Variants in SDC2 observed in about 807,000 individuals in gnomAD.
SDC2 encodes syndecan 2, also known as syndecan-2.
Under a neutral mutation model 22.2 loss-of-function variants are expected in SDC2, and 13 were observed. The observed-to-expected ratio is 0.59, with a 90% CI of 0.38 to 0.93. SDC2 has a LOEUF of 0.93. Among genes scored for constraint, SDC2 ranks in the 40% least tolerant of loss-of-function variants. SDC2 has a pLI of 0.00. For synonymous variants in SDC2, 94 were observed against 92.8 expected, an observed-to-expected ratio of 1.01 and a Z score of -0.07; for missense variants, 235 against 246.8, an observed-to-expected ratio of 0.95 and a Z score of 0.32.
intron 1 of SDC2, among the ~76,000 whole-genome samples, chr8:96,521,176 G>C (rs1251702845): frequency 6.6e-6 from 1 of 152,138 alleles, no homozygotes; most frequent in Non-Finnish European, 1.5e-5. Flanking sequence ...ATAATATGTT[G>C]TGTATTTTTG....
chr8:96,567,101 G>T (rs1563664339), intron 1 of SDC2, among the ~76,000 whole-genome samples: 1 of 152,196 alleles, frequency 6.6e-6, no homozygotes, highest in Non-Finnish European at 1.5e-5. Context: ...TGATCCACCT[G>T]CCTCGGCTTC....
chr8:96,598,406 G>A lies in SDC2; in HGVS notation c.173-3989G>A, dbSNP rs555691244. Among the ~76,000 whole-genome samples, 15 of 152,154 alleles carry A rather than the reference G, an allele frequency of 9.9e-5. No homozygotes were observed. The South Asian group carries it at 1.0e-3, about 11-fold the overall frequency. On this transcript the variant is annotated intron_variant, in intron 2 of 4. Coordinates refer to ENST00000302190, the MANE Select transcript of SDC2 (RefSeq NM_002998.4). Reference sequence around the variant, plus strand: ...GGAGGCTGAGGTAGGTGGATCACTCGAGGTCAGGAGTTCGAGAACAGCCTG... The same window carrying A: ...GGAGGCTGAGGTAGGTGGATCACTCAAGGTCAGGAGTTCGAGAACAGCCTG...
chr8:96,498,540 A>G (rs1444060966), intron 1 of SDC2, among the ~76,000 whole-genome samples: 1 of 151,682 alleles, frequency 6.6e-6, no homozygotes, highest in Admixed American at 6.6e-5. Context: ...GCACTCTGCA[A>G]CCACCACCTC....
At chr8:96,536,262 A>G (rs912200982) in intron 1 of SDC2, among the ~76,000 whole-genome samples, 2 of 152,164 alleles carry the variant, frequency 1.3e-5, no homozygotes, top group East Asian at 1.9e-4. Flanking sequence ...GTACTTCCAC[A>G]TAGAGGCTGC....
intron 1 of SDC2, among the ~76,000 whole-genome samples, chr8:96,494,727 C>T (rs1028797081): frequency 2.0e-5 from 3 of 152,158 alleles, no homozygotes; most frequent in Admixed American, 6.5e-5. Flanking sequence ...GCGCGCTCCT[C>T]GAGACCAGGG....
intron 3 of SDC2, 93 bp from the exon 4 acceptor site, chr8:96,608,242 G>GA (rs370033095): frequency 3.0e-4 from 366 of 1,232,502 alleles, no homozygotes; most frequent in South Asian, 4.4e-4. Context: ...TTCTTTGGGG[G>GA]AAAAAAAAAT....
At chr8:96,586,872 T>C (rs1814695335) in intron 1 of SDC2, among the ~76,000 whole-genome samples, 1 of 152,216 alleles carries the variant, frequency 6.6e-6, no homozygotes, top group South Asian at 2.1e-4. Flanking sequence ...ATATAATGAA[T>C]TAAGAACTAT....
intron 2 of SDC2, among the ~76,000 whole-genome samples, chr8:96,596,610 T>C (rs1159394714): frequency 2.0e-5 from 3 of 152,212 alleles, no homozygotes; most frequent in Non-Finnish European, 4.4e-5. Context: ...ATCATTGTGA[T>C]ACCCGGTGAG....
intron 1 of SDC2, among the ~76,000 whole-genome samples, chr8:96,545,096 T>C (rs1207077504): frequency 1.3e-5 from 2 of 152,200 alleles, no homozygotes; most frequent in African/African-American, 4.8e-5. Flanking sequence ...CTGACTAGCT[T>C]TCCTCCTGTG....
At chr8:96,502,944 C>G (rs1258326067) in intron 1 of SDC2, among the ~76,000 whole-genome samples, 2 of 152,184 alleles carry the variant, frequency 1.3e-5, no homozygotes, top group African/African-American at 4.8e-5. Context: ...CTGATAAGCT[C>G]TAGCCCAGAG....
chr8:96,591,898 C>G (rs1243970264), intron 1 of SDC2, among the ~76,000 whole-genome samples: 1 of 152,070 alleles, frequency 6.6e-6, no homozygotes, highest in Non-Finnish European at 1.5e-5. Flanking sequence ...AGCTGAGAGC[C>G]TAAGAGGAGG....
At chr8:96,561,877 C>T (rs1284264166) in intron 1 of SDC2, among the ~76,000 whole-genome samples, 1 of 152,192 alleles carries the variant, frequency 6.6e-6, no homozygotes, top group Non-Finnish European at 1.5e-5. Context: ...GGATAACAGT[C>T]CTTTGTCAGG....
chr8:96,538,043 A>G (rs902442501), intron 1 of SDC2, among the ~76,000 whole-genome samples: 1 of 152,076 alleles, frequency 6.6e-6, no homozygotes, highest in Non-Finnish European at 1.5e-5. Flanking sequence ...GCTCACTGCA[A>G]CCTCCACATC....
intron 1 of SDC2, among the ~76,000 whole-genome samples, chr8:96,499,448 C>T (rs1007512561): frequency 4.6e-5 from 7 of 152,322 alleles, no homozygotes; most frequent in Admixed American, 4.6e-4. Context: ...TAGATCACAG[C>T]ATTACCCCTT....
At chr8:96,562,985 C>T (rs1212589750) in intron 1 of SDC2, among the ~76,000 whole-genome samples, 2 of 152,208 alleles carry the variant, frequency 1.3e-5, no homozygotes, top group South Asian at 4.1e-4. Context: ...ATCATTTTGA[C>T]GCACATCACC....
chr8:96,609,651 C>T lies in SDC2; in HGVS notation c.*103C>T, dbSNP rs910964385. On this transcript the variant is annotated 3_prime_UTR_variant, in exon 5 of 5. Coordinates refer to ENST00000302190, the MANE Select transcript of SDC2 (RefSeq NM_002998.4). ...TTTGTTTTTTGTTTTCATTAAAGAG[C>T]CATTCTGGCACTTTAATGATAAAAT... 1.7e-5 allele frequency: 12 copies of T among 707,166 alleles called. No homozygotes were observed. Among genetic ancestry groups the T allele is most frequent in the East Asian group, 6.2e-5 (2 of 32,170 alleles). 43.8% of individuals were successfully genotyped at this position (707,166 alleles called of 1,614,324 possible).
chr8:96,581,376 C>A (rs1814586714), intron 1 of SDC2, among the ~76,000 whole-genome samples: 1 of 152,154 alleles, frequency 6.6e-6, no homozygotes, highest in South Asian at 2.1e-4. Context: ...CGCCTGTAAT[C>A]CCAGCACTTT....
chr8:96,582,578 A>C (rs1457470634), intron 1 of SDC2, among the ~76,000 whole-genome samples: 1 of 152,218 alleles, frequency 6.6e-6, no homozygotes, highest in Non-Finnish European at 1.5e-5. Context: ...CATTTTCTTC[A>C]TTTAAAAAGT....
intron 1 of SDC2, among the ~76,000 whole-genome samples, chr8:96,537,995 G>T (rs111537638): frequency 6.6e-6 from 1 of 152,006 alleles, no homozygotes; most frequent in Non-Finnish European, 1.5e-5. Flanking sequence ...ACGGAGTCTC[G>T]CTCTGTCGCC....
Sources: allele counts gnomAD v4.1 joint callset (sites outside exome capture counted in the v4.1 genomes callset), GRCh38; gene constraint gnomAD v4.1.1; transcripts MANE v1.5; gene names NCBI Gene and HGNC (gene_info 2026-07-23, HGNC 2026-07-21).